Variants in IGF2 observed in about 807,000 individuals in gnomAD.
The protein encoded by IGF2 is insulin like growth factor 2.
In IGF2, 2 loss-of-function variants were observed where a neutral mutation model predicts 12.0. The ratio of observed to expected loss-of-function variants is 0.17; its 90% confidence interval spans 0.07 to 0.52. The LOEUF (loss-of-function observed/expected upper bound fraction) is 0.52, where lower values mean the gene tolerates loss of function less well. Among genes scored for constraint, IGF2 ranks in the 20% least tolerant of loss-of-function variants. The pLI is 0.95. For synonymous variants in IGF2, 105 were observed against 110.1 expected (o/e 0.95, Z 0.29); for missense variants, 211 against 268.0 (o/e 0.79, Z 1.48).
chr11:2,132,659 G>C lies in IGF2; in HGVS notation c.*328C>G, dbSNP rs200385877. On this transcript the variant is annotated 3_prime_UTR_variant, in exon 4 of 4. Transcript: ENST00000416167. ...AATTAGTTTTAAGAGGGTTGTTGTG[G>C]GGGGGGGGGAAGGGGGTTAGTTTAA... 8 of 75,536 alleles carry C rather than the reference G, an allele frequency of 1.1e-4. No homozygotes were observed. The highest frequency in any genetic ancestry group is 5.7e-4 in the African/African-American group (7 of 12,332). 4.7% of individuals were successfully genotyped at this position (75,536 alleles called of 1,614,324 possible). A position where few individuals can be genotyped will look rare whatever the true frequency, so the allele number is the denominator to read the frequency against.
chr11:2,147,502 C>G, the IGF2 span: 2 of 682,294 alleles, frequency 2.9e-6, no homozygotes, highest in Non-Finnish European at 4.1e-6. The surrounding 1 kb of genome is among the most constrained non-coding windows in gnomAD (Gnocchi z 7.2). Context: ...GATCCCAGTT[C>G]GAAGACTCCC....
At chr11:2,140,397 C>A, upstream of IGF2, 1 of 1,193,340 alleles carries the variant, frequency 8.4e-7, no homozygotes, top group South Asian at 1.5e-5. Flanking sequence ...GCCGCCTAAG[C>A]CTAGCCAAGG....
At position 2,138,395 on chromosome 11, in the gene IGF2, G is replaced by C. The variant is rs1246616228; in HGVS notation, c.-173C>G. On this transcript the variant is annotated 5_prime_UTR_variant, in exon 1 of 4. Coordinates refer to ENST00000416167, the MANE Select transcript of IGF2 (RefSeq NM_000612.6). ...GGGGGGATGGCTTTTTTTTGGGGGGGGGGGGAGAATTCGTCTGATTGTCCA... is the reference window on the plus strand; with the variant it reads ...GGGGGGATGGCTTTTTTTTGGGGGGCGGGGGAGAATTCGTCTGATTGTCCA... 5.8e-6 allele frequency: 3 copies of C among 517,118 alleles called. No individual in the cohort carries two copies. The highest frequency in any genetic ancestry group is 1.7e-4 in the South Asian group (2 of 11,786). 32.0% of individuals were successfully genotyped at this position (517,118 alleles called of 1,614,324 possible).
Position 2,131,837 on chromosome 11 carries a change from G to C in IGF2, c.*1150C>G, listed in dbSNP as rs1245317434. The C allele has an allele frequency of 5.3e-6, 1 of 190,300 alleles. No individual in the cohort carries two copies. 11.8% of individuals were successfully genotyped at this position (190,300 alleles called of 1,614,324 possible). A position where few individuals can be genotyped will look rare whatever the true frequency, so the allele number is the denominator to read the frequency against. On this transcript the variant is annotated 3_prime_UTR_variant, in exon 4 of 4. Coordinates refer to ENST00000416167, the MANE Select transcript of IGF2 (RefSeq NM_000612.6). ...ATGTGTGTGCGTGTGCTGTGCGTTT[G>C]TGTGCTGTGTGCTCGTGTGTGTGCT...
At chr11:2,141,740 A>T (rs1472287258), upstream of IGF2, among the ~76,000 whole-genome samples, 1 of 152,226 alleles carries the variant, frequency 6.6e-6, no homozygotes, top group Non-Finnish European at 1.5e-5. Flanking sequence ...GGCTTCAGGG[A>T]AAGGTTTTAA....
At chr11:2,145,599 A>T (rs1019254532), upstream of IGF2, among the ~76,000 whole-genome samples, 2 of 152,160 alleles carry the variant, frequency 1.3e-5, no homozygotes, top group Non-Finnish European at 2.9e-5. Context: ...CCAGGGGGCC[A>T]CCGCTCATGC....
upstream of IGF2, among the ~76,000 whole-genome samples, chr11:2,142,607 G>A (rs1340821167): frequency 6.6e-6 from 1 of 152,204 alleles, no homozygotes; most frequent in Non-Finnish European, 1.5e-5. The surrounding 1 kb of genome is among the most constrained non-coding windows in gnomAD (Gnocchi z 5.7). Context: ...TGGGGGACCA[G>A]GAAAAGGGTC....
the IGF2 span, chr11:2,149,379 T>C: frequency 1.1e-5 from 17 of 1,565,760 alleles, no homozygotes; most frequent in East Asian, 1.6e-4. Flanking sequence ...AGAGTGTGCA[T>C]GTTAATACGG....
At chr11:2,142,282 C>T (rs1859648796), upstream of IGF2, among the ~76,000 whole-genome samples, 2 of 151,866 alleles carry the variant, frequency 1.3e-5, no homozygotes, top group East Asian at 1.9e-4. This position sits in a 1 kb window ranked among gnomAD's most constrained non-coding sequence, Gnocchi z 5.7. Context: ...GGAGACAATA[C>T]CGCAATTTGG....
chr11:2,139,855 G>T (rs576646087), upstream of IGF2, among the ~76,000 whole-genome samples: 2 of 151,996 alleles, frequency 1.3e-5, no homozygotes, highest in South Asian at 2.1e-4. Context: ...GAGTCGGGGG[G>T]TCCTTGCTGG....
the IGF2 span, chr11:2,147,320 G>A: frequency 2.7e-6 from 1 of 368,010 alleles, no homozygotes; most frequent in Non-Finnish European, 4.8e-6. This position sits in a 1 kb window ranked among gnomAD's most constrained non-coding sequence, Gnocchi z 7.2. Flanking sequence ...TCTCCCAGGA[G>A]CTCCCCTGCC....
rs1858772902 is a variant in IGF2 at position 2,133,543 on chromosome 11, C to T, written c.280G>A (p.Val94Met). ...CATPAKSERD[V>M]STPPTVLPDN... ...GGAAGCACGGTCGGAGGGGTCGACA[C>T]GTCCCTCTCGGACTTGGCGGGGGTA... Residue 94 changes from valine (V) to methionine (M), a missense_variant, in exon 3 of 4, where the codon GTG becomes ATG. Physicochemically the swap from Val to Met is conservative, Grantham distance 21. Coordinates refer to ENST00000416167, the MANE Select transcript of IGF2 (RefSeq NM_000612.6). The surrounding 1 kb of genome is among the most constrained non-coding windows in gnomAD (Gnocchi z 8.9). 3.1e-6 allele frequency: 5 copies of T among 1,612,606 alleles called. No individual in the cohort carries two copies. Among genetic ancestry groups the T allele is most frequent in the African/African-American group, 1.3e-5 (1 of 74,912 alleles).
chr11:2,133,674 C>G lies in IGF2; in HGVS notation c.158-9G>C. 6.2e-7 allele frequency: 1 copy of G among 1,612,762 alleles called. No individual in the cohort carries two copies. Among genetic ancestry groups the G allele is most frequent in the South Asian group, 1.1e-5 (1 of 91,050 alleles). On this transcript the variant is annotated splice_polypyrimidine_tract_variant and intron_variant, in intron 2 of 3. Coordinates refer to ENST00000416167, the MANE Select transcript of IGF2 (RefSeq NM_000612.6). The surrounding 1 kb of genome is among the most constrained non-coding windows in gnomAD (Gnocchi z 8.9). ...ACGGCTTGCGGGCCTGCCTGGAAGT[C>G]CCACAGCACAGAGAGAGCCGTGTTA...
rs1299998151 is a variant in IGF2, at chr11:2,131,081, T to A, written c.*1906A>T. The A allele has an allele frequency of 8.6e-6, 2 of 232,392 alleles. No individual in the cohort carries two copies. The highest frequency in any genetic ancestry group is 4.4e-5 in the African/African-American group (2 of 45,152). The allele number at this position is 232,392 out of a possible 1,614,324, so 14.4% of individuals were successfully genotyped here. A position where few individuals can be genotyped will look rare whatever the true frequency, so the allele number is the denominator to read the frequency against. On this transcript the variant is annotated 3_prime_UTR_variant, in exon 4 of 4. Transcript: ENST00000416167. Reference sequence around the variant, plus strand: ...GGGAATGGGTGGGGTATGGGGAGCATCGTGGCTCACGCTGCGGGGGCCGTG... The same window carrying A: ...GGGAATGGGTGGGGTATGGGGAGCAACGTGGCTCACGCTGCGGGGGCCGTG...
In IGF2 at chr11:2,138,561, AGG is replaced by A. The variant is rs150408391; in HGVS notation, c.-341_-340del. On this transcript the variant is annotated 5_prime_UTR_variant, in exon 1 of 4. Coordinates refer to ENST00000416167, the MANE Select transcript of IGF2 (RefSeq NM_000612.6). ...GTGGGAGAGACAGAGTGAACGTGAAAGGGGGGGGCCGAAGAGAGGGCGAGGGG... is the reference window on the plus strand; with the variant it reads ...GTGGGAGAGACAGAGTGAACGTGAAAGGGGGGCCGAAGAGAGGGCGAGGGG... 2 of 377,820 alleles carry A rather than the reference AGG, an allele frequency of 5.3e-6. No homozygotes were observed. The highest frequency in any genetic ancestry group is 5.0e-5 in the African/African-American group (1 of 20,160). The allele number at this position is 377,820 out of a possible 1,614,324, so 23.4% of individuals were successfully genotyped here.
In IGF2 at chr11:2,139,015, G is replaced by C. The variant is rs893349307; in HGVS notation, c.-793C>G. 12 of 970,044 alleles carry C rather than the reference G, an allele frequency of 1.2e-5. No homozygotes were observed. The African/African-American group carries it at 2.0e-4, about 16-fold the overall frequency. 60.1% of individuals were successfully genotyped at this position (970,044 alleles called of 1,614,324 possible). ...CCGCTCCGGGACGCAGCGCGGAAAG[G>C]GGAGCGGCCCGAGGCTGCGCGCCGG... On this transcript the variant is annotated 5_prime_UTR_variant, in exon 1 of 4. Coordinates refer to ENST00000416167, the MANE Select transcript of IGF2 (RefSeq NM_000612.6).
At chr11:2,136,099 G>A (rs928938503) in intron 1 of IGF2, among the ~76,000 whole-genome samples, 16 of 152,198 alleles carry the variant, frequency 1.1e-4, no homozygotes, top group African/African-American at 3.6e-4. Context: ...TGCTGGGCCA[G>A]CCCCGCCCCT....
At chr11:2,140,547 G>A (rs989998906), upstream of IGF2, 10 of 506,058 alleles carry the variant, frequency 2.0e-5, no homozygotes, top group Middle Eastern at 5.2e-4. Context: ...TTTACCGCCC[G>A]GCGGGAGCGC....
At position 2,139,019 on chromosome 11, in the gene IGF2, G is replaced by C; in HGVS notation, c.-797C>G. ...TCCGGGACGCAGCGCGGAAAGGGGA[G>C]CGGCCCGAGGCTGCGCGCCGGGGGG... is the stretch of plus-strand genomic sequence containing the variant. On this transcript the variant is annotated 5_prime_UTR_variant, in exon 1 of 4. Coordinates refer to ENST00000416167, the MANE Select transcript of IGF2 (RefSeq NM_000612.6). 1 of 952,670 alleles carries C rather than the reference G, an allele frequency of 1.0e-6. No homozygotes were observed. Among genetic ancestry groups the C allele is most frequent in the Non-Finnish European group, 1.2e-6 (1 of 805,046 alleles). The allele number at this position is 952,670 out of a possible 1,614,324, so 59.0% of individuals were successfully genotyped here. A position where few individuals can be genotyped will look rare whatever the true frequency, so the allele number is the denominator to read the frequency against.
Sources: allele counts gnomAD v4.1 joint callset (sites outside exome capture counted in the v4.1 genomes callset), GRCh38; gene constraint gnomAD v4.1.1; non-coding constraint Gnocchi (gnomAD v3.1); transcripts MANE v1.5; gene names NCBI Gene and HGNC (gene_info 2026-07-23, HGNC 2026-07-21).